Variants in CAMK1D observed in about 807,000 individuals in gnomAD.
CAMK1D encodes calcium/calmodulin dependent protein kinase ID.
A neutral mutation model predicts 47.7 loss-of-function variants in CAMK1D; 9 were observed. The ratio of observed to expected loss-of-function variants is 0.19; its 90% CI spans 0.11 to 0.33. The LOEUF (loss-of-function observed/expected upper bound fraction) is 0.33, where lower values mean the gene tolerates loss of function less well. CAMK1D is among the 10% of genes least tolerant of loss of function. The probability of loss-of-function intolerance (pLI) is 1.00; values close to 1 mark genes in which losing one functional copy is unlikely to be tolerated. For synonymous variants in CAMK1D, 184 were observed against 184.9 expected, an observed-to-expected ratio of 0.99 and a Z score of 0.04; for missense variants, 291 against 488.7, an observed-to-expected ratio of 0.60 and a Z score of 3.81.
chr10:12,446,292 T>C (rs1832922662), intron 1 of CAMK1D, among the ~76,000 whole-genome samples: 3 of 152,226 alleles, frequency 2.0e-5, no homozygotes. Context: ...TATTTCTTGA[T>C]GATATGCTAA....
chr10:12,441,800 A>G (rs1832792948), intron 1 of CAMK1D, among the ~76,000 whole-genome samples: 1 of 152,158 alleles, frequency 6.6e-6, no homozygotes, highest in Non-Finnish European at 1.5e-5. Flanking sequence ...CTCTGTCTCA[A>G]AAGAAAAAGT....
At chr10:12,617,454 C>T in intron 2 of CAMK1D, among the ~76,000 whole-genome samples, 1 of 152,170 alleles carries the variant, frequency 6.6e-6, no homozygotes. Flanking sequence ...GCAGCTTTTC[C>T]TCAGAGCAGG....
intron 1 of CAMK1D, among the ~76,000 whole-genome samples, chr10:12,513,535 C>T (rs1347166509): frequency 6.6e-6 from 1 of 152,052 alleles, no homozygotes; most frequent in Admixed American, 6.6e-5. Flanking sequence ...GCCTGTAATC[C>T]CAGCACTTTG....
At chr10:12,612,404 C>T (rs1169649559) in intron 2 of CAMK1D, among the ~76,000 whole-genome samples, 2 of 148,110 alleles carry the variant, frequency 1.4e-5, no homozygotes, top group East Asian at 2.0e-4. Flanking sequence ...TGCAGTGGCA[C>T]GATCATAACT....
chr10:12,391,680 C>T (rs554896869), intron 1 of CAMK1D, among the ~76,000 whole-genome samples: 2 of 152,196 alleles, frequency 1.3e-5, no homozygotes, highest in African/African-American at 4.8e-5. Flanking sequence ...TTAAAATGTC[C>T]TTACAGTACC....
chr10:12,422,606 G>A (rs1486317879), intron 1 of CAMK1D, among the ~76,000 whole-genome samples: 1 of 152,196 alleles, frequency 6.6e-6, no homozygotes, highest in African/African-American at 2.4e-5. Context: ...TGGAAAGCAG[G>A]ATTTGGGCTT....
intron 1 of CAMK1D, among the ~76,000 whole-genome samples, chr10:12,375,248 T>A (rs1386239052): frequency 6.6e-6 from 1 of 152,208 alleles, no homozygotes; most frequent in Non-Finnish European, 1.5e-5. Context: ...GGTTCTGTTT[T>A]AAAAATCCCG....
rs113515868 is a variant in CAMK1D at position 12,745,407 on chromosome 10, G to A, written c.300-15541G>A. Among the ~76,000 whole-genome samples, 187 of 152,210 alleles carry A rather than the reference G, an allele frequency of 1.2e-3. 2 individuals are homozygous for A. Among genetic ancestry groups the A allele is most frequent in the African/African-American group, 2.3e-3 (95 of 41,504 alleles). ...AAATAACATAAACACATGCGTGTGC[G>A]CACGCACACACACACACGCTAGAAT... On this transcript the variant is annotated intron_variant, in intron 3 of 10. Transcript: ENST00000619168.
chr10:12,650,058 C>G (rs1298320629), intron 2 of CAMK1D, among the ~76,000 whole-genome samples: 1 of 152,184 alleles, frequency 6.6e-6, no homozygotes, highest in Non-Finnish European at 1.5e-5. Flanking sequence ...CTTTTTAGTT[C>G]CTTTAGGATA....
At chr10:12,529,708 G>C (rs1835743749) in intron 1 of CAMK1D, among the ~76,000 whole-genome samples, 1 of 152,162 alleles carries the variant, frequency 6.6e-6, no homozygotes, top group South Asian at 2.1e-4. Flanking sequence ...TTTTGCTCGT[G>C]GTGGCTGAGC....
chr10:12,646,777 T>C (rs1839821646), intron 2 of CAMK1D, among the ~76,000 whole-genome samples: 2 of 152,186 alleles, frequency 1.3e-5, no homozygotes, highest in African/African-American at 4.8e-5. Flanking sequence ...CATTACTCGA[T>C]TACCTAAAAA....
intron 3 of CAMK1D, among the ~76,000 whole-genome samples, chr10:12,730,131 C>T (rs976015220): frequency 3.3e-5 from 5 of 152,102 alleles, no homozygotes; most frequent in African/African-American, 4.8e-5. Context: ...TGGGAGGCTG[C>T]GGCAGTGACC....
intron 2 of CAMK1D, among the ~76,000 whole-genome samples, chr10:12,616,053 T>C (rs1838801086): frequency 6.6e-6 from 1 of 151,260 alleles, no homozygotes; most frequent in South Asian, 2.1e-4. Flanking sequence ...GTGCACGTGT[T>C]GGTTTATGAT....
chr10:12,621,305 G>A (rs1838990108), intron 2 of CAMK1D, among the ~76,000 whole-genome samples: 1 of 152,078 alleles, frequency 6.6e-6, no homozygotes, highest in East Asian at 1.9e-4. Flanking sequence ...TCTCACTCAT[G>A]GCTACAAAAA....
chr10:12,572,671 G>A (rs149856698), intron 2 of CAMK1D, among the ~76,000 whole-genome samples: 35 of 152,070 alleles, frequency 2.3e-4, no homozygotes, highest in Non-Finnish European at 2.4e-4. Flanking sequence ...TTGCTCTGTC[G>A]CCCAGGCTGG....
chr10:12,559,607 C>T (rs186476166), intron 2 of CAMK1D, among the ~76,000 whole-genome samples: 3 of 152,218 alleles, frequency 2.0e-5, no homozygotes, highest in Admixed American at 6.5e-5. Context: ...TTGAGAGGAG[C>T]GAACTCAGAT....
chr10:12,819,424 G>A (rs925813234), intron 8 of CAMK1D, among the ~76,000 whole-genome samples: 1 of 152,234 alleles, frequency 6.6e-6, no homozygotes, highest in African/African-American at 2.4e-5. Flanking sequence ...GGCAGGCAGG[G>A]CAGGGGCCTG....
At chr10:12,541,309 C>G (rs745487637) in intron 1 of CAMK1D, among the ~76,000 whole-genome samples, 3 of 152,076 alleles carry the variant, frequency 2.0e-5, no homozygotes, top group African/African-American at 4.8e-5. Context: ...TGGAGAGTTG[C>G]GTACACATTG....
chr10:12,634,464 G>A (rs562592326), intron 2 of CAMK1D, among the ~76,000 whole-genome samples: 16 of 152,140 alleles, frequency 1.1e-4, no homozygotes, highest in African/African-American at 3.1e-4. Flanking sequence ...CCATTGTCCC[G>A]TAAGCAGGAG....
Sources: allele counts gnomAD v4.1 joint callset (sites outside exome capture counted in the v4.1 genomes callset), GRCh38; gene constraint gnomAD v4.1.1; transcripts MANE v1.5; gene names NCBI Gene and HGNC (gene_info 2026-07-23, HGNC 2026-07-21).